Variants in MMP16 observed in about 807,000 individuals in gnomAD.
MMP16 encodes matrix metalloproteinase-16.
MMP16 carries 12 observed loss-of-function variants against 67.8 expected under a neutral mutation model. The ratio of observed to expected loss-of-function variants is 0.18; its 90% CI spans 0.11 to 0.29. The LOEUF is 0.29. MMP16 is among the 10% of genes least tolerant of loss of function. The pLI, the probability that MMP16 is intolerant of heterozygous loss-of-function variation, is 1.00. For synonymous variants in MMP16, 249 were observed against 255.9 expected (o/e 0.97, Z 0.26); for missense variants, 475 against 765.7 (o/e 0.62, Z 4.48).
chr8:88,211,807 A>G (rs941328677), intron 1 of MMP16, among the ~76,000 whole-genome samples: 1 of 152,160 alleles, frequency 6.6e-6, no homozygotes, highest in Non-Finnish European at 1.5e-5. Context: ...CATTTCCTTT[A>G]TTTAACTTCC....
At position 88,041,187 on chromosome 8, in the gene MMP16, C is replaced by G; in HGVS notation, c.*274G>C. On this transcript the variant is annotated 3_prime_UTR_variant, in exon 10 of 10. Transcript: ENST00000286614. This position sits in a 1 kb window ranked among gnomAD's most constrained non-coding sequence, Gnocchi z 6.0. ...TTCTTTAGTTAATCCTGAAATTTTACTGGGCATTGAGCGTGCAGAGGAAAG... is the reference window on the plus strand; with the variant it reads ...TTCTTTAGTTAATCCTGAAATTTTAGTGGGCATTGAGCGTGCAGAGGAAAG... The G allele has an allele frequency of 3.2e-6, 1 of 308,418 alleles. No individual in the cohort carries two copies. The highest frequency in any genetic ancestry group is 5.9e-6 in the Non-Finnish European group (1 of 169,546). 19.1% of individuals were successfully genotyped at this position (308,418 alleles called of 1,614,324 possible). A position where few individuals can be genotyped will look rare whatever the true frequency, so the allele number is the denominator to read the frequency against.
chr8:88,205,895 T>G (rs2129804031), intron 1 of MMP16, among the ~76,000 whole-genome samples: 1 of 152,300 alleles, frequency 6.6e-6, no homozygotes, highest in African/African-American at 2.4e-5. Flanking sequence ...TTCTTTTTAC[T>G]CATAATCGAT....
intron 1 of MMP16, among the ~76,000 whole-genome samples, chr8:88,321,711 C>T (rs1443709406): frequency 3.3e-5 from 5 of 152,162 alleles, no homozygotes; most frequent in Admixed American, 1.3e-4. Flanking sequence ...CATTTCCCAT[C>T]CCCTTTGGCT....
intron 4 of MMP16, among the ~76,000 whole-genome samples, chr8:88,160,866 T>C (rs1335901695): frequency 6.6e-6 from 1 of 152,190 alleles, no homozygotes; most frequent in East Asian, 1.9e-4. Flanking sequence ...TTTGTGTATG[T>C]TGAACCAGCC....
chr8:88,241,949 T>C (rs910381534), intron 1 of MMP16, among the ~76,000 whole-genome samples: 2 of 152,178 alleles, frequency 1.3e-5, no homozygotes, highest in Non-Finnish European at 2.9e-5. Context: ...GCAATATGAT[T>C]TACATAATTA....
intron 1 of MMP16, among the ~76,000 whole-genome samples, chr8:88,211,601 T>C (rs1809513620): frequency 6.6e-6 from 1 of 152,142 alleles, no homozygotes; most frequent in Non-Finnish European, 1.5e-5. Flanking sequence ...CACAAAATGT[T>C]AAATCCCTGA....
intron 1 of MMP16, among the ~76,000 whole-genome samples, chr8:88,206,216 CT>C (rs1391285670): frequency 6.6e-6 from 1 of 152,128 alleles, no homozygotes; most frequent in Non-Finnish European, 1.5e-5. Flanking sequence ...TACACTGACA[CT>C]GTTATACAAT....
intron 6 of MMP16, among the ~76,000 whole-genome samples, chr8:88,106,028 G>A (rs1324891120): frequency 1.4e-5 from 2 of 140,976 alleles, no homozygotes; most frequent in African/African-American, 5.2e-5. Flanking sequence ...ATATATATAC[G>A]TGTATATATA....
At chr8:88,067,212 A>C (rs1230398669) in intron 7 of MMP16, among the ~76,000 whole-genome samples, 1 of 152,160 alleles carries the variant, frequency 6.6e-6, no homozygotes, top group African/African-American at 2.4e-5. Flanking sequence ...GAATGAATGC[A>C]TCTCAGCTAT....
chr8:88,071,141 C>T (rs1393159049), intron 7 of MMP16, among the ~76,000 whole-genome samples: 1 of 151,980 alleles, frequency 6.6e-6, no homozygotes, highest in African/African-American at 2.4e-5. Flanking sequence ...CTAAATTACA[C>T]CAAAATATAA....
intron 7 of MMP16, among the ~76,000 whole-genome samples, chr8:88,059,877 T>C (rs963051281): frequency 1.3e-5 from 2 of 150,556 alleles, no homozygotes; most frequent in African/African-American, 4.9e-5. Context: ...TATTTTTATA[T>C]AATACGAAGC....
At chr8:88,092,765 A>G (rs919167887) in intron 6 of MMP16, among the ~76,000 whole-genome samples, 3 of 151,886 alleles carry the variant, frequency 2.0e-5, no homozygotes, top group Non-Finnish European at 4.4e-5. Context: ...TCCCAATTTG[A>G]TCTTTGCCAT....
At chr8:88,216,777 C>A (rs1809601600) in intron 1 of MMP16, among the ~76,000 whole-genome samples, 1 of 151,858 alleles carries the variant, frequency 6.6e-6, no homozygotes, top group Non-Finnish European at 1.5e-5. Context: ...TCAGTTTGTC[C>A]CATTAATTAT....
At chr8:88,121,849 A>T (rs1807842182) in intron 4 of MMP16, among the ~76,000 whole-genome samples, 3 of 152,052 alleles carry the variant, frequency 2.0e-5, no homozygotes, top group Admixed American at 2.0e-4. Flanking sequence ...TCTATATTTT[A>T]TTCCAAGTTC....
chr8:88,152,425 A>G (rs1422926242), intron 4 of MMP16, among the ~76,000 whole-genome samples: 1 of 91,026 alleles, frequency 1.1e-5, no homozygotes, highest in Non-Finnish European at 2.1e-5. Flanking sequence ...AGAGAATTTT[A>G]GACCAATATC....
chr8:88,186,277 C>A (rs931894409), intron 3 of MMP16, 199 bp downstream of exon 3: 47 of 463,102 alleles, frequency 1.0e-4, no homozygotes, highest in Non-Finnish European at 1.5e-4. Context: ...CAAAAGAGCC[C>A]AAGTGTCTCA....
At chr8:88,216,488 A>G (rs1300009930) in intron 1 of MMP16, among the ~76,000 whole-genome samples, 1 of 152,132 alleles carries the variant, frequency 6.6e-6, no homozygotes, top group Non-Finnish European at 1.5e-5. Context: ...ACTTAAAGTC[A>G]TACAGTTTTC....
At chr8:88,077,385 A>C (rs977407542) in intron 6 of MMP16, among the ~76,000 whole-genome samples, 1 of 152,172 alleles carries the variant, frequency 6.6e-6, no homozygotes, top group African/African-American at 2.4e-5. Context: ...TTTCCTTATA[A>C]GTGAGACATT....
At chr8:88,236,536 A>G (rs954294376) in intron 1 of MMP16, among the ~76,000 whole-genome samples, 3 of 152,054 alleles carry the variant, frequency 2.0e-5, no homozygotes, top group African/African-American at 7.2e-5. Flanking sequence ...GGGGCAGATT[A>G]CTTGAGTCCA....
Sources: allele counts gnomAD v4.1 joint callset (sites outside exome capture counted in the v4.1 genomes callset), GRCh38; gene constraint gnomAD v4.1.1; non-coding constraint Gnocchi (gnomAD v3.1); transcripts MANE v1.5; gene names NCBI Gene and HGNC (gene_info 2026-07-23, HGNC 2026-07-21).